Variants in METTL15 observed in about 807,000 individuals in gnomAD.
METTL15 encodes methyltransferase 15, mitochondrial 12S rRNA N4-cytidine, also known as 12S rRNA N(4)-cytidine methyltransferase METTL15.
A neutral mutation model predicts 38.3 loss-of-function variants in METTL15; 34 were observed. The observed-to-expected ratio is 0.89, with a 90% confidence interval of 0.68 to 1.18. The LOEUF (loss-of-function observed/expected upper bound fraction) is 1.18. Among genes scored for constraint, METTL15 ranks in the 50% most tolerant of loss-of-function variants. METTL15 has a pLI of 0.00. For synonymous variants in METTL15, 162 were observed against 170.9 expected (o/e 0.95, Z 0.41); for missense variants, 438 against 498.4 (o/e 0.88, Z 1.15).
At chr11:28,149,100 C>A (rs1849988430) in intron 3 of METTL15, among the ~76,000 whole-genome samples, 1 of 151,738 alleles carries the variant, frequency 6.6e-6, no homozygotes, top group South Asian at 2.1e-4. Context: ...TTCTATTCTG[C>A]CATATAGTTA....
At chr11:28,390,730 A>G (rs1338867796) in intron 5 of METTL15, among the ~76,000 whole-genome samples, 1 of 152,124 alleles carries the variant, frequency 6.6e-6, no homozygotes, top group African/African-American at 2.4e-5. Flanking sequence ...TTGGTTCCAT[A>G]TGCACTTTAA....
chr11:28,335,510 A>G (rs2133349615), downstream of METTL15, among the ~76,000 whole-genome samples: 1 of 152,312 alleles, frequency 6.6e-6, no homozygotes, highest in South Asian at 2.1e-4. Flanking sequence ...GAGATAATGC[A>G]CTGCTGTATT....
intron 5 of METTL15, among the ~76,000 whole-genome samples, chr11:28,379,612 T>C (rs1359295270): frequency 2.0e-5 from 3 of 152,160 alleles, no homozygotes; most frequent in African/African-American, 7.2e-5. Context: ...TCTTTGAACT[T>C]GTTTTGAGGC....
At chr11:28,337,548 T>C (rs1296216299), downstream of METTL15, among the ~76,000 whole-genome samples, 3 of 152,092 alleles carry the variant, frequency 2.0e-5, no homozygotes, top group Non-Finnish European at 4.4e-5. Context: ...TAGTGTAACC[T>C]AAGTATACAG....
intron 6 of METTL15, among the ~76,000 whole-genome samples, chr11:28,457,587 C>T (rs547463730): frequency 6.6e-6 from 1 of 152,170 alleles, no homozygotes; most frequent in Admixed American, 6.5e-5. Context: ...TCATCGAAAA[C>T]TCACATGGCA....
chr11:28,381,854 G>T (rs1354407811), intron 5 of METTL15, among the ~76,000 whole-genome samples: 1 of 151,666 alleles, frequency 6.6e-6, no homozygotes, highest in East Asian at 1.9e-4. Context: ...TCTCATTAGG[G>T]CCAATCACTG....
chr11:28,302,972 G>A (rs1856961860), intron 6 of METTL15, among the ~76,000 whole-genome samples: 1 of 151,982 alleles, frequency 6.6e-6, no homozygotes, highest in Non-Finnish European at 1.5e-5. Flanking sequence ...TGAAAAAATG[G>A]CCATGGTCTG....
intron 3 of METTL15, among the ~76,000 whole-genome samples, chr11:28,341,972 C>T (rs1272532060): frequency 6.6e-6 from 1 of 152,130 alleles, no homozygotes; most frequent in African/African-American, 2.4e-5. Flanking sequence ...AGGTGACTGA[C>T]CCAATCTAGA....
At chr11:28,383,427 A>G (rs534973037) in intron 5 of METTL15, among the ~76,000 whole-genome samples, 7 of 152,248 alleles carry the variant, frequency 4.6e-5, no homozygotes, top group Middle Eastern at 3.4e-3. Context: ...GAATAAACAT[A>G]TATGTGTTTG....
At chr11:28,465,119 T>G (rs1397021475) in intron 6 of METTL15, among the ~76,000 whole-genome samples, 1 of 152,188 alleles carries the variant, frequency 6.6e-6, no homozygotes, top group Non-Finnish European at 1.5e-5. Context: ...CCCCTTGGCA[T>G]TTTCTTATGA....
At chr11:28,403,408 T>C (rs1190608586) in intron 5 of METTL15, among the ~76,000 whole-genome samples, 2 of 152,160 alleles carry the variant, frequency 1.3e-5, no homozygotes, top group Admixed American at 6.6e-5. Context: ...ATATACTAAA[T>C]ACTAAATCAG....
intron 5 of METTL15, among the ~76,000 whole-genome samples, chr11:28,377,063 C>G (rs1179434888): frequency 7.5e-6 from 1 of 133,476 alleles, no homozygotes; most frequent in African/African-American, 2.5e-5. Context: ...TTGAGGGTAA[C>G]CCGACCTTTC....
At chr11:28,272,988 T>A (rs1297064779) in intron 4 of METTL15, among the ~76,000 whole-genome samples, 2 of 152,172 alleles carry the variant, frequency 1.3e-5, no homozygotes, top group East Asian at 3.8e-4. Context: ...AATAGAAAAT[T>A]CTCTAAGCCA....
At chr11:28,424,920 A>G (rs556178549) in intron 6 of METTL15, among the ~76,000 whole-genome samples, 1 of 152,332 alleles carries the variant, frequency 6.6e-6, no homozygotes, top group South Asian at 2.1e-4. Flanking sequence ...AGCTACTGTA[A>G]TAGCAGTGGT....
At chr11:28,379,314 G>A (rs1391674668) in intron 5 of METTL15, among the ~76,000 whole-genome samples, 1 of 151,838 alleles carries the variant, frequency 6.6e-6, no homozygotes, top group Non-Finnish European at 1.5e-5. Flanking sequence ...CTTATTTGAA[G>A]TCTTTCTGCT....
intron 6 of METTL15, among the ~76,000 whole-genome samples, chr11:28,483,334 A>G (rs1324782200): frequency 2.6e-5 from 4 of 152,204 alleles, no homozygotes; most frequent in Non-Finnish European, 4.4e-5. Context: ...ATTGATGTTC[A>G]TAGCTCCATC....
chr11:28,164,012 T>C (rs1850566239), intron 3 of METTL15: 1 of 152,094 alleles, frequency 6.6e-6, no homozygotes, highest in Non-Finnish European at 1.5e-5. Context: ...AATCTGAATT[T>C]TAGAGGTAAT....
chr11:28,451,172 C>T (rs1004867273), intron 6 of METTL15, among the ~76,000 whole-genome samples: 5 of 152,124 alleles, frequency 3.3e-5, no homozygotes, highest in East Asian at 3.9e-4. Flanking sequence ...ACGGGAAGAG[C>T]GGAGAACCAA....
intron 5 of METTL15, among the ~76,000 whole-genome samples, chr11:28,368,951 A>G (rs1850216553): frequency 1.3e-5 from 2 of 152,018 alleles, no homozygotes; most frequent in Admixed American, 1.3e-4. Flanking sequence ...GAGTTGAGCA[A>G]TGAGAGCACA....
Sources: gnomAD v4.1 joint callset for allele counts (sites outside exome capture counted in the v4.1 genomes callset) on GRCh38, gnomAD v4.1.1 for gene constraint, MANE v1.5 for transcripts, NCBI Gene and HGNC (gene_info 2026-07-23, HGNC 2026-07-21) for gene names.